The following TCN1 variants were observed in gnomAD, a reference collection of about 807,000 sequenced individuals.
The protein encoded by TCN1 is transcobalamin-1.
Under a neutral mutation model 46.3 loss-of-function variants are expected in TCN1, and 47 were observed. That is an observed-to-expected ratio of 1.01 (90% CI 0.80 to 1.29). TCN1 has a LOEUF of 1.29. Ranked by LOEUF, TCN1 falls within the 50% of genes most tolerant of loss-of-function variation. The pLI is 0.00. For missense variants in TCN1, 532 were observed against 511.0 expected (o/e 1.04, Z -0.40); for synonymous variants, 183 against 192.5 (o/e 0.95, Z 0.41).
At chr11:59,865,269 C>A (rs1344908656) in intron 1 of TCN1, among the ~76,000 whole-genome samples, 1 of 152,126 alleles carries the variant, frequency 6.6e-6, no homozygotes, top group Non-Finnish European at 1.5e-5. Context: ...TTTTGTGGAA[C>A]CATCCAGCTC....
rs185450468 is a variant in TCN1, at chr11:59,857,943, G to C, written c.747+1134C>G. Among the ~76,000 whole-genome samples, 351 of 152,180 alleles carry C rather than the reference G, an allele frequency of 2.3e-3. 3 individuals are homozygous for C. The highest frequency in any genetic ancestry group is 7.4e-3 in the African/African-American group (308 of 41,524). On this transcript the variant is annotated intron_variant, in intron 5 of 8. Coordinates refer to ENST00000257264, the MANE Select transcript of TCN1 (RefSeq NM_001062.4). ...TGGGGTAGTTTGCTCTTATCAGCGG[G>C]GGATACATTCCAAGACCTACAGTGG...
chr11:59,863,798 A>G, intron 2 of TCN1, 109 bp downstream of exon 2: 1 of 1,229,438 alleles, frequency 8.1e-7, no homozygotes, highest in East Asian at 2.4e-5. Context: ...TACCATTAGA[A>G]GGGATGTAGC....
chr11:59,853,132 C>T (rs1866685196), intron 8 of TCN1, 71 bp downstream of exon 8: 21 of 1,599,842 alleles, frequency 1.3e-5, no homozygotes, highest in South Asian at 3.3e-5. Context: ...GGCCCAATCC[C>T]CACAGAGGCT....
At chr11:59,855,210 G>A (rs1250811984) in intron 6 of TCN1, among the ~76,000 whole-genome samples, 1 of 151,532 alleles carries the variant, frequency 6.6e-6, no homozygotes, top group Non-Finnish European at 1.5e-5. Flanking sequence ...CATATGAATT[G>A]CCAGGCACTA....
chr11:59,853,516 C>T (rs1042422755), intron 7 of TCN1, among the ~76,000 whole-genome samples, 195 bp from the exon 8 acceptor site: 8 of 152,112 alleles, frequency 5.3e-5, no homozygotes, highest in Non-Finnish European at 7.4e-5. Flanking sequence ...TTTATAAACA[C>T]TCCAGCTGAT....
chr11:59,857,887 C>T (rs1292472306), intron 5 of TCN1, among the ~76,000 whole-genome samples: 2 of 152,162 alleles, frequency 1.3e-5, no homozygotes, highest in African/African-American at 2.4e-5. Flanking sequence ...GTTACTGTGA[C>T]TCATGCTCCT....
At chr11:59,856,085 G>GGGGCCC in intron 5 of TCN1, 27 bp from the exon 6 acceptor site, 1 of 585,330 alleles carries the variant, frequency 1.7e-6, no homozygotes, top group Non-Finnish European at 3.2e-6. Context: ...GGGTGGGGGG[G>GGGGCCC]TGATGAGAGA....
intron 5 of TCN1, among the ~76,000 whole-genome samples, chr11:59,857,108 A>G (rs1852952340): frequency 6.6e-6 from 1 of 152,202 alleles, no homozygotes; most frequent in Non-Finnish European, 1.5e-5. Context: ...GTCATAGTAC[A>G]TTTCCTCTTA....
chr11:59,858,218 C>T (rs968831829), intron 5 of TCN1, among the ~76,000 whole-genome samples: 1 of 152,114 alleles, frequency 6.6e-6, no homozygotes, highest in Non-Finnish European at 1.5e-5. Context: ...TGATAACCGG[C>T]TACTAAGTGA....
chr11:59,861,357 A>G (rs1265518786), intron 4 of TCN1, among the ~76,000 whole-genome samples, 170 bp downstream of exon 4: 1 of 152,218 alleles, frequency 6.6e-6, no homozygotes, highest in Non-Finnish European at 1.5e-5. Flanking sequence ...AAAGAAGCTT[A>G]AATGCCATCC....
rs781272369 is a variant in TCN1 at position 59,853,287 on chromosome 11, T to TAA, written c.1155_1156insTT (p.Ile386LeufsTer21). 1 of 1,614,086 alleles carries TAA rather than the reference T, an allele frequency of 6.2e-7. No individual in the cohort carries two copies. Among genetic ancestry groups the TAA allele is most frequent in the Non-Finnish European group, 8.5e-7 (1 of 1,180,008 alleles). On this transcript the variant is annotated frameshift_variant, in exon 8 of 9. Coordinates refer to ENST00000257264, the MANE Select transcript of TCN1 (RefSeq NM_001062.4). LOFTEE classifies it high-confidence loss of function. ...GCACATAGGCCCTGAATACAGGTGA[T>TAA]ATAGGGCCCCCATGAGCGCTCCTCC...
At position 59,863,009 on chromosome 11, in the gene TCN1, T is replaced by C. The variant is rs200950676; in HGVS notation, c.260-287A>G. Among the ~76,000 whole-genome samples, 10 of 152,296 alleles carry C rather than the reference T, an allele frequency of 6.6e-5. No individual in the cohort carries two copies. The South Asian group carries it at 1.9e-3, about 28-fold the overall frequency. ...TCTCAGGCTAAAAACCAGTATAGCA[T>C]GTTACTGTCCTGAATACTATAGGCA... On this transcript the variant is annotated intron_variant, in intron 2 of 8. Transcript: ENST00000257264.
chr11:59,853,525 A>C (rs1204069800), intron 7 of TCN1, among the ~76,000 whole-genome samples: 1 of 152,178 alleles, frequency 6.6e-6, no homozygotes, highest in Non-Finnish European at 1.5e-5. Context: ...ACTCCAGCTG[A>C]TTCTAATGCA....
chr11:59,857,427 A>T (rs144220410), intron 5 of TCN1, among the ~76,000 whole-genome samples: 38 of 152,334 alleles, frequency 2.5e-4, no homozygotes, highest in Middle Eastern at 3.4e-3. Flanking sequence ...CATAAATAGT[A>T]ACAACAACAA....
At position 59,861,579 on chromosome 11, in the gene TCN1, G is replaced by A. The variant is rs1017588499; in HGVS notation, c.504C>T (p.Asn168=). The A allele has an allele frequency of 6.2e-7, 1 of 1,614,030 alleles. No individual in the cohort carries two copies. The highest frequency in any genetic ancestry group is 8.5e-7 in the Non-Finnish European group (1 of 1,180,004). The change falls in exon 4 of 9, where the codon AAC becomes AAT. Residue 168 remains asparagine (N), a synonymous_variant. Coordinates refer to ENST00000257264, the MANE Select transcript of TCN1 (RefSeq NM_001062.4). ...NGNYSTAEVV[N]HFTPENKNYY... is the part of the protein sequence containing the mutation. ...AGTTTTTATTTTCAGGAGTGAAGTG[G>A]TTGACAACTTCGGCGGTTGAGTAGT...
intron 3 of TCN1, 126 bp downstream of exon 3, chr11:59,862,456 C>G (rs1372312257): frequency 2.6e-6 from 3 of 1,170,274 alleles, no homozygotes; most frequent in Non-Finnish European, 3.7e-6. Context: ...AAGGGAAGTG[C>G]CCTCAAAGAC....
intron 6 of TCN1, among the ~76,000 whole-genome samples, chr11:59,855,224 T>G (rs2135105150): frequency 6.6e-6 from 1 of 152,322 alleles, no homozygotes; most frequent in East Asian, 1.9e-4. Context: ...GGCACTATAC[T>G]AATCATTTTA....
chr11:59,859,242 A>G lies in TCN1; in HGVS notation c.582T>C (p.Ala194=). The part of the protein sequence containing the change: ...SVDTGAMAVL[A]LTCVKKSLIN... ...TTAGACTCTTCTTCACACAGGTCAGAGCCAGGACAGCCATTGCACCAGTAT... is the reference window on the plus strand; with the variant it reads ...TTAGACTCTTCTTCACACAGGTCAGGGCCAGGACAGCCATTGCACCAGTAT... The change falls in exon 5 of 9, where the codon GCT becomes GCC. Residue 194 remains alanine, a synonymous_variant. Coordinates refer to ENST00000257264, the MANE Select transcript of TCN1 (RefSeq NM_001062.4). 1.2e-6 allele frequency: 2 copies of G among 1,613,934 alleles called. No homozygotes were observed. The highest frequency in any genetic ancestry group is 1.7e-6 in the Non-Finnish European group (2 of 1,180,028).
At chr11:59,855,840 A>T in intron 6 of TCN1, 29 bp downstream of exon 6, 1 of 1,613,276 alleles carries the variant, frequency 6.2e-7, no homozygotes, top group Non-Finnish European at 8.5e-7. Flanking sequence ...GTGAAAAGCG[A>T]AACAGTGTGC....
Sources: allele counts gnomAD v4.1 joint callset (sites outside exome capture counted in the v4.1 genomes callset), GRCh38; gene constraint gnomAD v4.1.1; transcripts MANE v1.5; gene names NCBI Gene and HGNC (gene_info 2026-07-23, HGNC 2026-07-21).